FLG: variants seen among roughly 807,000 people sequenced by gnomAD.
FLG encodes filaggrin.
In FLG, 6 loss-of-function variants were observed where a neutral mutation model predicts 3.8. The observed-to-expected ratio is 1.60, with a 90% confidence interval of 0.87 to 3.15. The LOEUF (loss-of-function observed/expected upper bound fraction) is 3.15. FLG is among the 30% of genes most tolerant of loss of function. The pLI is 0.00. For synonymous variants in FLG, 2,551 were observed against 1,931.6 expected, an observed-to-expected ratio of 1.32 and a Z score of -8.41; for missense variants, 7,595 against 5,050.9, an observed-to-expected ratio of 1.50 and a Z score of -15.27.
chr1:152,303,676 G>C lies in FLG; in HGVS notation c.11210C>G (p.Ser3737Cys). The C allele has an allele frequency of 1.2e-6, 2 of 1,614,016 alleles. No individual in the cohort carries two copies. The highest frequency in any genetic ancestry group is 1.1e-5 in the South Asian group (1 of 91,080). Residue 3737 changes from serine (S) to cysteine (C), a missense_variant, in exon 3 of 3, where the codon TCC becomes TGC. Transcript: ENST00000368799. ...AGPSTGGRQG[S>C]RHEQARDSSR... ...GCTGTCTCGTGCCTGCTCGTGGCGG[G>C]ATCCTTGTCTTCCTCCAGTACTGGG...
Position 152,311,317 on chromosome 1 carries a change from T to A in FLG, c.3569A>T (p.His1190Leu). Residue 1190 changes from histidine to leucine, a missense_variant, in exon 3 of 3, where the codon CAC becomes CTC. By Grantham distance (99) the His-to-Leu change is moderately conservative. Coordinates refer to ENST00000368799, the MANE Select transcript of FLG (RefSeq NM_002016.2). ...HHEQSVDRSG[H>L]SGSHHSHTTS... is the part of the protein sequence containing the mutation. ...GGTGTGGCTGTGATGGGACCCTGAG[T>A]GTCCAGATCTATCTACCGATTGCTC... is the stretch of plus-strand genomic sequence containing the variant. 1 of 1,613,830 alleles carries A rather than the reference T, an allele frequency of 6.2e-7. No individual in the cohort carries two copies. The highest frequency in any genetic ancestry group is 8.5e-7 in the Non-Finnish European group (1 of 1,179,948).
chr1:152,305,006 C>T lies in FLG; in HGVS notation c.9880G>A (p.Ala3294Thr), dbSNP rs763326024. The change falls in exon 3 of 3, where the codon GCA becomes ACA. Residue 3294 changes from alanine to threonine, a missense_variant. By Grantham distance (58) the Ala-to-Thr change is moderately conservative. Coordinates refer to ENST00000368799, the MANE Select transcript of FLG (RefSeq NM_002016.2). The part of the protein sequence containing the change: ...GGQAASSHEQ[A>T]RSSPGERHGS... ...TGTCTCTCTCCTGGACTTGATCTTG[C>T]CTGTTCATGGGATGATGCAGCCTGT... 7 of 1,613,618 alleles carry T rather than the reference C, an allele frequency of 4.3e-6. No individual in the cohort carries two copies. The highest frequency in any genetic ancestry group is 1.6e-4 in the Middle Eastern group (1 of 6,080).
rs546475787 is a variant in FLG, at chr1:152,313,210, T to C, written c.1676A>G (p.His559Arg). 4.5e-5 allele frequency: 73 copies of C among 1,613,746 alleles called. 2 individuals are homozygous for C. In the South Asian group the frequency reaches 5.5e-4, roughly 12 times the overall value. The change falls in exon 3 of 3, where the codon CAT (histidine) becomes CGT (arginine). Residue 559 changes from histidine to arginine, a missense_variant. Coordinates refer to ENST00000368799, the MANE Select transcript of FLG (RefSeq NM_002016.2). ...TTSQGRSDASHGQSGSRSASR... is the reference protein window; with the variant it reads ...TTSQGRSDASRGQSGSRSASR... ...TGCACTTCTGGATCCTGACTGCCCATGGGAGGCATCAGACCTTCCCTGGGA... is the reference window on the plus strand; with the variant it reads ...TGCACTTCTGGATCCTGACTGCCCACGGGAGGCATCAGACCTTCCCTGGGA...
rs778026111 is a variant in FLG, at chr1:152,311,934, G to T, written c.2952C>A (p.His984Gln). Residue 984 changes from histidine (H) to glutamine (Q), a missense_variant, in exon 3 of 3, where the codon CAC becomes CAA. Physicochemically the swap from His to Gln is conservative, Grantham distance 24. Coordinates refer to ENST00000368799, the MANE Select transcript of FLG (RefSeq NM_002016.2). The part of the protein sequence containing the change: ...AQEQSRHGSR[H>Q]PRSHHEDRAG... ...CTCTGTCTTCGTGATGGGACCTGGG[G>T]TGTCTGGAGCCATGTCTTGACTGCT... 13 of 1,614,006 alleles carry T rather than the reference G, an allele frequency of 8.1e-6. No individual in the cohort carries two copies. The highest frequency in any genetic ancestry group is 2.2e-5 in the South Asian group (2 of 91,076).
Position 152,314,068 on chromosome 1 carries a change from C to T in FLG, c.818G>A (p.Arg273Lys), listed in dbSNP as rs780631118. ...SDGKSSSQVNRSRHENTSQVP... is the reference protein window; with the variant it reads ...SDGKSSSQVNKSRHENTSQVP... ...CTGGCTTGTATTTTCATGTCTTGAC[C>T]TGTTCACTTGAGATGATGATTTGCC... Residue 273 changes from arginine (R) to lysine (K), a missense_variant, in exon 3 of 3, where the codon AGG becomes AAG. Transcript: ENST00000368799. 1 of 1,614,186 alleles carries T rather than the reference C, an allele frequency of 6.2e-7. No homozygotes were observed. The highest frequency in any genetic ancestry group is 8.5e-7 in the Non-Finnish European group (1 of 1,180,036).
chr1:152,306,024 G>T lies in FLG; in HGVS notation c.8862C>A (p.His2954Gln). The change falls in exon 3 of 3, where the codon CAC (histidine) becomes CAA (glutamine). Residue 2954 changes from histidine (H) to glutamine (Q), a missense_variant. Transcript: ENST00000368799. ...CCTGTCCACCAGAGGAAGTCTGTGTGTGACGAGTGCCTGATTGTCTGGAGC... is the reference window on the plus strand; with the variant it reads ...CCTGTCCACCAGAGGAAGTCTGTGTTTGACGAGTGCCTGATTGTCTGGAGC... The part of the protein sequence containing the change: ...ADSSRQSGTR[H>Q]TQTSSGGQAA... 6.3e-7 allele frequency: 1 copy of T among 1,589,934 alleles called. No individual in the cohort carries two copies. The highest frequency in any genetic ancestry group is 8.5e-7 in the Non-Finnish European group (1 of 1,177,096).
In FLG at chr1:152,314,068, C is replaced by A; in HGVS notation, c.818G>T (p.Arg273Met). ...CTGGCTTGTATTTTCATGTCTTGAC[C>A]TGTTCACTTGAGATGATGATTTGCC... The part of the protein sequence containing the change: ...SDGKSSSQVN[R>M]SRHENTSQVP... Residue 273 changes from arginine to methionine, a missense_variant, in exon 3 of 3, where the codon AGG becomes ATG. Transcript: ENST00000368799. 2 of 1,614,186 alleles carry A rather than the reference C, an allele frequency of 1.2e-6. No individual in the cohort carries two copies. The highest frequency in any genetic ancestry group is 1.7e-6 in the Non-Finnish European group (2 of 1,180,036).
At chr1:152,320,179 A>C (rs1034929765) in intron 1 of FLG, among the ~76,000 whole-genome samples, 1 of 151,214 alleles carries the variant, frequency 6.6e-6, no homozygotes, top group Non-Finnish European at 1.5e-5. Context: ...GTAAATATTA[A>C]CTTAATCCAA....
At position 152,309,859 on chromosome 1, in the gene FLG, C is replaced by T. The variant is rs1198256281; in HGVS notation, c.5027G>A (p.Ser1676Asn). The T allele has an allele frequency of 1.9e-6, 3 of 1,614,004 alleles. No homozygotes were observed. In the African/African-American group the frequency reaches 4.0e-5, roughly 22 times the overall value. The change falls in exon 3 of 3, where the codon AGT becomes AAT. Residue 1676 changes from serine (S) to asparagine (N), a missense_variant. Coordinates refer to ENST00000368799, the MANE Select transcript of FLG (RefSeq NM_002016.2). The part of the protein sequence containing the change: ...AASSQEQARS[S>N]PGERHGSRHQ... ...GCGGGATCCATGTCTTTCTCCTGGA[C>T]TTGACCTTGCCTGTTCCTGGGATGA...
chr1:152,304,259 T>C lies in FLG; in HGVS notation c.10627A>G (p.Ser3543Gly), dbSNP rs1176293174. ...RNQGSSVSQD[S>G]DSQGHSEDSE... ...TCTTCTGAGTGTCCCTGACTGTCAC[T>C]GTCCTGGCTAACACTGGATCCCTGG... Residue 3543 changes from serine (S) to glycine (G), a missense_variant, in exon 3 of 3, where the codon AGT becomes GGT. Physicochemically the swap from Ser to Gly is moderately conservative, Grantham distance 56. Coordinates refer to ENST00000368799, the MANE Select transcript of FLG (RefSeq NM_002016.2). 20 of 1,613,172 alleles carry C rather than the reference T, an allele frequency of 1.2e-5. No individual in the cohort carries two copies. The highest frequency in any genetic ancestry group is 1.6e-5 in the Non-Finnish European group (19 of 1,179,684).
chr1:152,319,683 A>T (rs995684752), intron 1 of FLG, among the ~76,000 whole-genome samples: 1 of 151,502 alleles, frequency 6.6e-6, no homozygotes, highest in African/African-American at 2.4e-5. Context: ...ATGAAATGTT[A>T]TATTCATCTT....
Position 152,304,280 on chromosome 1 carries a change from C to T in FLG, c.10606G>A (p.Gly3536Arg). 1.2e-6 allele frequency: 2 copies of T among 1,613,068 alleles called. No homozygotes were observed. Among genetic ancestry groups the T allele is most frequent in the Non-Finnish European group, 8.5e-7 (1 of 1,179,558 alleles). ...TCACTGTCCTGGCTAACACTGGATC[C>T]CTGGTTCCTGCTTGTCCTGGGCCCC... ...SAGPRTSRNQ[G>R]SSVSQDSDSQ... The change falls in exon 3 of 3, where the codon GGA becomes AGA. Residue 3536 changes from glycine (G) to arginine (R), a missense_variant. Coordinates refer to ENST00000368799, the MANE Select transcript of FLG (RefSeq NM_002016.2).
intron 1 of FLG, among the ~76,000 whole-genome samples, chr1:152,317,701 C>T (rs1283970487): frequency 6.6e-6 from 1 of 152,040 alleles, no homozygotes; most frequent in Non-Finnish European, 1.5e-5. Context: ...GTTGGCAACT[C>T]ACAAGTTTAT....
At position 152,303,105 on chromosome 1, in the gene FLG, T is replaced by G; in HGVS notation, c.11781A>C (p.Glu3927Asp). 2 of 1,614,216 alleles carry G rather than the reference T, an allele frequency of 1.2e-6. No individual in the cohort carries two copies. Among genetic ancestry groups the G allele is most frequent in the Middle Eastern group, 1.6e-4 (1 of 6,062 alleles). The change falls in exon 3 of 3, where the codon GAA becomes GAC. Residue 3927 changes from glutamate to aspartate, a missense_variant. Coordinates refer to ENST00000368799, the MANE Select transcript of FLG (RefSeq NM_002016.2). ...GTGAAAGACTACTAAAGTGACCATG[T>G]TCCTTAGCGGTACTAGAGTCTGACT... ...PVQSDSSTAKEHGHFSSLSQD... is the reference protein window; with the variant it reads ...PVQSDSSTAKDHGHFSSLSQD...
rs562468791 is a variant in FLG at position 152,303,855 on chromosome 1, C to T, written c.11031G>A (p.Gln3677=). Residue 3677 remains glutamine (Q), a synonymous_variant, in exon 3 of 3, where the codon CAG becomes CAA. Coordinates refer to ENST00000368799, the MANE Select transcript of FLG (RefSeq NM_002016.2). The part of the protein sequence containing the change: ...SEGHSEDSDT[Q]SVSAHGQAGP... The stretch of plus-strand genomic sequence containing the variant: ...CAGCCTGTCCGTGGGCTGACACTGA[C>T]TGTGTGTCTGAGTCTTCTGAATGTC... 6.2e-7 allele frequency: 1 copy of T among 1,613,706 alleles called. No individual in the cohort carries two copies. The highest frequency in any genetic ancestry group is 1.3e-5 in the African/African-American group (1 of 74,874).
rs370240442 is a variant in FLG, at chr1:152,307,615, G to C, written c.7271C>G (p.Ser2424Cys). The C allele has an allele frequency of 9.3e-6, 15 of 1,613,620 alleles. No individual in the cohort carries two copies. Among genetic ancestry groups the C allele is most frequent in the Admixed American group, 8.3e-5 (5 of 59,976 alleles). The change falls in exon 3 of 3, where the codon TCT becomes TGT. Residue 2424 changes from serine (S) to cysteine (C), a missense_variant. By Grantham distance (112) the Ser-to-Cys change is moderately radical. Transcript: ENST00000368799. ...CCCGGTCCGTCCATGGGCGGACTCA[G>C]ACTGTTCATGAGTGCTCACCTGGTA... ...FLYQVSTHEQ[S>C]ESAHGRTGTS... is the part of the protein sequence containing the mutation.
chr1:152,313,313 C>T lies in FLG; in HGVS notation c.1573G>A (p.Gly525Arg), dbSNP rs144189912. Residue 525 changes from glycine to arginine, a missense_variant, in exon 3 of 3, where the codon GGA (glycine) becomes AGA (arginine). Coordinates refer to ENST00000368799, the MANE Select transcript of FLG (RefSeq NM_002016.2). ...TCGTGGTGGGATCCCTGCCTTCCTCCTCTGCTTGACCCCGGGTGTCCACGA... is the reference window on the plus strand; with the variant it reads ...TCGTGGTGGGATCCCTGCCTTCCTCTTCTGCTTGACCCCGGGTGTCCACGA... Reference protein sequence around the residue: ...TIRGHPGSSRGGRQGSHHEQS... With the variant: ...TIRGHPGSSRRGRQGSHHEQS... 385 of 1,613,508 alleles carry T rather than the reference C, an allele frequency of 2.4e-4. 1 individual carries two copies. The African/African-American group carries it at 4.4e-3, about 19-fold the overall frequency.
In FLG at chr1:152,304,748, AC is replaced by A. The variant is rs1651833172; in HGVS notation, c.10137del (p.Arg3379SerfsTer12). 1 of 1,612,236 alleles carries A rather than the reference AC, an allele frequency of 6.2e-7. No homozygotes were observed. Among genetic ancestry groups the A allele is most frequent in the Non-Finnish European group, 8.5e-7 (1 of 1,179,630 alleles). On this transcript the variant is annotated frameshift_variant, in exon 3 of 3. Coordinates refer to ENST00000368799, the MANE Select transcript of FLG (RefSeq NM_002016.2). LOFTEE classifies it low-confidence loss of function (END_TRUNC). Reference protein sequence around the residue: ...QESARDRSGGRSGRSGSFLYQ... With the variant: ...QESARDRSGGXSGRSGSFLYQ... ...TAGAGGAAAGACCCTGAACGTCCAG[AC>A]CTTCCCCCTGACCGGTCACGTGCGG... is the stretch of plus-strand genomic sequence containing the variant.
Position 152,304,863 on chromosome 1 carries a change from A to T in FLG, c.10023T>A (p.Ser3341Arg), listed in dbSNP as rs755871473. The change falls in exon 3 of 3, where the codon AGT becomes AGA. Residue 3341 changes from serine to arginine, a missense_variant. By Grantham distance (110) the Ser-to-Arg change is moderately radical (BLOSUM62 -1). Coordinates refer to ENST00000368799, the MANE Select transcript of FLG (RefSeq NM_002016.2). ...RHWGSSGSQA[S>R]DSEGHSEESD... The stretch of plus-strand genomic sequence containing the variant: ...ACTCTTCTGAATGTCCCTCACTATC[A>T]CTGGCCTGACTACCACTGGACCCCC... 1 of 1,613,314 alleles carries T rather than the reference A, an allele frequency of 6.2e-7. No individual in the cohort carries two copies. The highest frequency in any genetic ancestry group is 8.5e-7 in the Non-Finnish European group (1 of 1,179,846).
Sources: gnomAD v4.1 joint callset for allele counts (sites outside exome capture counted in the v4.1 genomes callset) on GRCh38, gnomAD v4.1.1 for gene constraint, MANE v1.5 for transcripts, NCBI Gene and HGNC (gene_info 2026-07-23, HGNC 2026-07-21) for gene names.